The following VDAC1 variants were observed in gnomAD, a reference collection of about 807,000 sequenced individuals.
The protein encoded by VDAC1 is voltage dependent anion channel 1, also known as non-selective voltage-gated ion channel VDAC1.
A neutral mutation model predicts 34.7 loss-of-function variants in VDAC1; 10 were observed. That is an observed-to-expected ratio of 0.29 (90% CI 0.18 to 0.49). The LOEUF (loss-of-function observed/expected upper bound fraction) is 0.49, where lower values mean the gene tolerates loss of function less well. Ranked by LOEUF, VDAC1 falls within the 20% of genes least tolerant of loss-of-function variation. The pLI is 0.99. For synonymous variants in VDAC1, 130 were observed against 136.0 expected, an observed-to-expected ratio of 0.96 and a Z score of 0.30; for missense variants, 230 against 347.9, an observed-to-expected ratio of 0.66 and a Z score of 2.69.
the VDAC1 span, among the ~76,000 whole-genome samples, chr5:134,077,460 T>A: frequency 1.3e-5 from 2 of 152,170 alleles, no homozygotes; most frequent in Non-Finnish European, 2.9e-5. Context: ...TCTACCCTCA[T>A]GGAGCCTACT....
chr5:134,084,451 A>G, the VDAC1 span, among the ~76,000 whole-genome samples: 1 of 152,218 alleles, frequency 6.6e-6, no homozygotes, highest in African/African-American at 2.4e-5. Flanking sequence ...ACTGGCCCGA[A>G]CTTTGGTCTA....
At chr5:134,004,277 T>G (rs975902403) in intron 1 of VDAC1, among the ~76,000 whole-genome samples, 2 of 151,822 alleles carry the variant, frequency 1.3e-5, no homozygotes, top group Non-Finnish European at 2.9e-5. Context: ...TGCACGCTGG[T>G]GGGATCCAGG....
the VDAC1 span, among the ~76,000 whole-genome samples, chr5:134,014,296 ATAAAAAT>A: frequency 6.6e-6 from 1 of 152,124 alleles, no homozygotes; most frequent in Non-Finnish European, 1.5e-5. Flanking sequence ...TCTCAAAAAA[ATAAAAAT>A]AAAAAGACAT....
At chr5:133,991,367 C>A (rs1753096486) in intron 3 of VDAC1, among the ~76,000 whole-genome samples, 1 of 152,238 alleles carries the variant, frequency 6.6e-6, no homozygotes, top group African/African-American at 2.4e-5. Flanking sequence ...TTGTTGTCAG[C>A]AGACAGCTTC....
chr5:134,039,509 T>C, the VDAC1 span, among the ~76,000 whole-genome samples: 1 of 82,946 alleles, frequency 1.2e-5, no homozygotes, highest in Admixed American at 1.3e-4. Flanking sequence ...TTTGTATTTT[T>C]AGTAGAGACG....
At chr5:133,984,206 C>T (rs943302635) in intron 5 of VDAC1, among the ~76,000 whole-genome samples, 1 of 152,002 alleles carries the variant, frequency 6.6e-6, no homozygotes, top group Non-Finnish European at 1.5e-5. Context: ...ACTATAGGTG[C>T]GCACCACCAG....
At chr5:133,974,263 T>G (rs1246601158) in intron 7 of VDAC1, among the ~76,000 whole-genome samples, 2 of 152,158 alleles carry the variant, frequency 1.3e-5, no homozygotes, top group African/African-American at 2.4e-5. Flanking sequence ...CAACATGAGA[T>G]TCCCTCATTT....
At chr5:134,101,134 G>C in the VDAC1 span, among the ~76,000 whole-genome samples, 1 of 152,220 alleles carries the variant, frequency 6.6e-6, no homozygotes, top group Non-Finnish European at 1.5e-5. Context: ...CTTGACGAAG[G>C]CCACCTTCAG....
At chr5:134,045,250 G>A in the VDAC1 span, among the ~76,000 whole-genome samples, 1 of 152,212 alleles carries the variant, frequency 6.6e-6, no homozygotes, top group Admixed American at 6.5e-5. Context: ...AGTGTGTGTG[G>A]CCCATCTGGC....
At chr5:134,098,770 T>G in the VDAC1 span, among the ~76,000 whole-genome samples, 2 of 152,246 alleles carry the variant, frequency 1.3e-5, no homozygotes, top group Non-Finnish European at 2.9e-5. Flanking sequence ...GTCCAGCTCC[T>G]ACTCTTACCC....
At chr5:134,013,051 T>A in the VDAC1 span, among the ~76,000 whole-genome samples, 1 of 152,190 alleles carries the variant, frequency 6.6e-6, no homozygotes, top group Non-Finnish European at 1.5e-5. Context: ...TGCAGAAGAA[T>A]GAAACTGGAC....
the VDAC1 span, among the ~76,000 whole-genome samples, chr5:134,065,002 G>A: frequency 2.0e-5 from 3 of 152,152 alleles, no homozygotes; most frequent in Non-Finnish European, 4.4e-5. Context: ...TTATAGGCAT[G>A]AGCCACCATG....
rs1426438414 is a variant in VDAC1 at position 133,972,634 on chromosome 5, G to GA, written c.*136dup. On this transcript the variant is annotated 3_prime_UTR_variant, in exon 9 of 9. Coordinates refer to ENST00000265333, the MANE Select transcript of VDAC1 (RefSeq NM_003374.3). ...TCTGGAAGGGTAACATCTTAAAGCTGAATCAACTTTAACCTGGAGGGCTAA... is the reference window on the plus strand; with the variant it reads ...TCTGGAAGGGTAACATCTTAAAGCTGAAATCAACTTTAACCTGGAGGGCTAA... 1.4e-6 allele frequency: 1 copy of GA among 731,786 alleles called. No individual in the cohort carries two copies. The highest frequency in any genetic ancestry group is 1.8e-5 in the African/African-American group (1 of 55,858). 45.3% of individuals were successfully genotyped at this position (731,786 alleles called of 1,614,324 possible).
At chr5:134,025,732 G>C in the VDAC1 span, among the ~76,000 whole-genome samples, 3 of 151,848 alleles carry the variant, frequency 2.0e-5, no homozygotes, top group African/African-American at 7.3e-5. Context: ...TGGGACTACA[G>C]GTGCACACCA....
At chr5:134,056,042 C>T in the VDAC1 span, among the ~76,000 whole-genome samples, 2 of 151,678 alleles carry the variant, frequency 1.3e-5, no homozygotes, top group Non-Finnish European at 2.9e-5. Flanking sequence ...AGTTTGAGAC[C>T]AGCCTGGCCA....
chr5:134,109,770 C>CAAAAAAAAACA, the VDAC1 span, among the ~76,000 whole-genome samples: 1 of 140,280 alleles, frequency 7.1e-6, no homozygotes, highest in African/African-American at 2.8e-5. Context: ...GGCTCCATCT[C>CAAAAAAAAACA]AAAAAAAAAA....
the VDAC1 span, among the ~76,000 whole-genome samples, chr5:134,018,607 C>T: frequency 6.6e-6 from 1 of 152,166 alleles, no homozygotes; most frequent in Non-Finnish European, 1.5e-5. Flanking sequence ...CAGGGAGAGG[C>T]CTGGACTTTG....
chr5:134,022,270 T>C, the VDAC1 span, among the ~76,000 whole-genome samples: 2 of 152,202 alleles, frequency 1.3e-5, no homozygotes, highest in Non-Finnish European at 2.9e-5. Context: ...AAAAAATCAA[T>C]TCAGAAAATT....
the VDAC1 span, among the ~76,000 whole-genome samples, chr5:134,018,536 A>G: frequency 6.6e-6 from 1 of 152,186 alleles, no homozygotes; most frequent in South Asian, 2.1e-4. Flanking sequence ...ATGGACTCAC[A>G]GCCTTGGCGT....
Sources: allele counts gnomAD v4.1 joint callset (sites outside exome capture counted in the v4.1 genomes callset), GRCh38; gene constraint gnomAD v4.1.1; transcripts MANE v1.5; gene names NCBI Gene and HGNC (gene_info 2026-07-23, HGNC 2026-07-21).